Variants in MIOS observed in about 807,000 individuals in gnomAD.
MIOS encodes the protein meiosis regulator for oocyte development.
Under a neutral mutation model 96.9 loss-of-function variants are expected in MIOS, and 52 were observed. That is an observed-to-expected ratio of 0.54 (90% CI 0.43 to 0.68). The LOEUF is 0.68. MIOS is among the 30% of genes least tolerant of loss of function. The pLI is 0.00. For missense variants in MIOS, 1,005 were observed against 1,052.8 expected, an observed-to-expected ratio of 0.95 and a Z score of 0.63; for synonymous variants, 397 against 359.5, an observed-to-expected ratio of 1.10 and a Z score of -1.18.
At chr7:7,585,039 CTT>C (rs767850781) in intron 6 of MIOS, among the ~76,000 whole-genome samples, 77 of 152,136 alleles carry the variant, frequency 5.1e-4, no homozygotes, top group Non-Finnish European at 8.4e-4. Context: ...TGCATTGACA[CTT>C]ATATACATAA....
chr7:7,589,555 A>G lies in MIOS; in HGVS notation c.2035A>G (p.Met679Val), dbSNP rs775468593. Residue 679 changes from methionine (M) to valine (V), a missense_variant, in exon 9 of 13, where the codon ATG becomes GTG. Met to Val is a conservative substitution (Grantham distance 21, BLOSUM62 1). Transcript: ENST00000340080. ...AGATGTTCAAACAGCAAGTTACTGT[A>G]TGTTACAGGTCAGTGCAGTTTGACA... Reference protein sequence around the residue: ...TGDVQTASYCMLQGSPLDVLK... With the variant: ...TGDVQTASYCVLQGSPLDVLK... The G allele has an allele frequency of 1.9e-6, 3 of 1,611,496 alleles. No homozygotes were observed. The highest frequency in any genetic ancestry group is 2.2e-5 in the South Asian group (2 of 90,646).
intron 5 of MIOS, among the ~76,000 whole-genome samples, chr7:7,580,797 C>T (rs917930452): frequency 6.7e-6 from 1 of 150,096 alleles, no homozygotes; most frequent in African/African-American, 2.4e-5. Flanking sequence ...AGCGATTCTC[C>T]TGCCTCAGCC....
chr7:7,567,132 G>T (rs1419447673), intron 1 of MIOS, 60 bp downstream of exon 1: 1 of 152,244 alleles, frequency 6.6e-6, no homozygotes, highest in East Asian at 1.9e-4. Context: ...CCGCAGCGAG[G>T]GGCCGGAGAT....
At chr7:7,601,121 A>G (rs1050264199) in intron 11 of MIOS, among the ~76,000 whole-genome samples, 5 of 152,224 alleles carry the variant, frequency 3.3e-5, no homozygotes, top group African/African-American at 1.2e-4. Context: ...AGCAGGAAAG[A>G]TCTAAAATTG....
At position 7,573,029 on chromosome 7, in the gene MIOS, A is replaced by ATGC. The variant is rs1395639308; in HGVS notation, c.556_558dup (p.Ala186dup). 6.2e-7 allele frequency: 1 copy of ATGC among 1,613,926 alleles called. No homozygotes were observed. Among genetic ancestry groups the ATGC allele is most frequent in the Non-Finnish European group, 8.5e-7 (1 of 1,179,966 alleles). On this transcript the variant is annotated inframe_insertion, in exon 4 of 13. Transcript: ENST00000340080. The surrounding 1 kb of genome is among the most constrained non-coding windows in gnomAD (Gnocchi z 5.0). ...CCACTTTATGAGTTAGGACAGAATG[A>ATGC]TGCTTGTCTGTCTCTTTGTTGGCTT...
chr7:7,579,739 C>T (rs1170859073), intron 5 of MIOS, among the ~76,000 whole-genome samples: 2 of 152,206 alleles, frequency 1.3e-5, no homozygotes, highest in South Asian at 2.1e-4. Context: ...TCAGAGCTGT[C>T]CTGGGCTGTG....
chr7:7,584,912 T>A (rs1215288926), intron 6 of MIOS, among the ~76,000 whole-genome samples: 1 of 152,188 alleles, frequency 6.6e-6, no homozygotes, highest in East Asian at 1.9e-4. Context: ...TAACAAATGC[T>A]TTCTTGCAAA....
chr7:7,576,352 G>A (rs1011084852), intron 5 of MIOS, among the ~76,000 whole-genome samples: 2 of 152,164 alleles, frequency 1.3e-5, no homozygotes, highest in Admixed American at 1.3e-4. Context: ...CTGCTCTTGA[G>A]GAGTTTATAT....
At chr7:7,589,071 A>G (rs1223443781) in intron 8 of MIOS, among the ~76,000 whole-genome samples, 1 of 152,130 alleles carries the variant, frequency 6.6e-6, no homozygotes, top group Non-Finnish European at 1.5e-5. Context: ...CCAACTCCAG[A>G]TTTTGTGATT....
chr7:7,588,688 A>G (rs1190361264), intron 8 of MIOS, 125 bp downstream of exon 8: 1 of 494,864 alleles, frequency 2.0e-6, no homozygotes, highest in Non-Finnish European at 3.3e-6. Context: ...AAAGTATGGT[A>G]AGAATTTATT....
chr7:7,579,312 A>G (rs1180211073), intron 5 of MIOS, among the ~76,000 whole-genome samples: 3 of 152,258 alleles, frequency 2.0e-5, no homozygotes, highest in Non-Finnish European at 4.4e-5. Context: ...ATGTGATACA[A>G]TAACCATGTT....
Position 7,607,339 on chromosome 7 carries a change from GA to G in MIOS, c.*252del, listed in dbSNP as rs1784560662. The G allele has an allele frequency of 3.4e-6, 1 of 296,914 alleles. No homozygotes were observed. Among genetic ancestry groups the G allele is most frequent in the African/African-American group, 2.2e-5 (1 of 45,440 alleles). 18.4% of individuals were successfully genotyped at this position (296,914 alleles called of 1,614,324 possible). A position where few individuals can be genotyped will look rare whatever the true frequency, so the allele number is the denominator to read the frequency against. On this transcript the variant is annotated 3_prime_UTR_variant, in exon 13 of 13. Transcript: ENST00000340080. Reference sequence around the variant, plus strand: ...TCAGCAGGTTGAAAAGTCTGATTTAGAAAAACTTTCTAAGTTTTGGTTGAAA... The same window carrying G: ...TCAGCAGGTTGAAAAGTCTGATTTAGAAAACTTTCTAAGTTTTGGTTGAAA...
intron 5 of MIOS, among the ~76,000 whole-genome samples, chr7:7,577,063 A>C (rs1314227256): frequency 6.6e-6 from 1 of 152,198 alleles, no homozygotes; most frequent in Non-Finnish European, 1.5e-5. Flanking sequence ...CCAGGGGAGG[A>C]ATATAATGTA....
At position 7,588,574 on chromosome 7, in the gene MIOS, A is replaced by C. The variant is rs1783957453; in HGVS notation, c.1884+11A>C. The C allele has an allele frequency of 6.5e-7, 1 of 1,548,068 alleles. No individual in the cohort carries two copies. ...CTTAGTGATACTCAGGTGAAAACTG[A>C]TTTAATTCCACATTTGAAGTAATTA... On this transcript the variant is annotated intron_variant, in intron 8 of 12. Transcript: ENST00000340080.
intron 11 of MIOS, among the ~76,000 whole-genome samples, chr7:7,598,821 T>C (rs915777005): frequency 2.6e-5 from 4 of 152,198 alleles, no homozygotes; most frequent in African/African-American, 9.6e-5. Flanking sequence ...TCTTAAAACA[T>C]TTGAAATTCT....
intron 3 of MIOS, among the ~76,000 whole-genome samples, chr7:7,570,819 C>A (rs895329914): frequency 1.3e-5 from 2 of 152,158 alleles, no homozygotes; most frequent in Admixed American, 1.3e-4. Context: ...CTGTAAATAA[C>A]AGATGACGCT....
At position 7,595,065 on chromosome 7, in the gene MIOS, G is replaced by T. The variant is rs1329906160; in HGVS notation, c.2129G>T (p.Trp710Leu). The change falls in exon 10 of 13, where the codon TGG becomes TTG. Residue 710 changes from tryptophan (W) to leucine (L), a missense_variant. This residue lies in a region of MIOS where 865 missense variants were observed against 887.9 expected (regional missense o/e 0.97). Transcript: ENST00000340080. ...YRNLLDAWRF[W>L]HKRAEFDIHR... ...AATTTATTAGATGCCTGGAGGTTTT[G>T]GCATAAACGAGCTGAATTTGATATT... The T allele has an allele frequency of 6.2e-7, 1 of 1,613,860 alleles. No homozygotes were observed. The highest frequency in any genetic ancestry group is 1.3e-5 in the African/African-American group (1 of 74,898).
intron 5 of MIOS, among the ~76,000 whole-genome samples, chr7:7,575,151 G>A (rs758713111): frequency 3.3e-5 from 5 of 152,132 alleles, no homozygotes; most frequent in Non-Finnish European, 5.9e-5. Context: ...AAGTCAAGCT[G>A]TTAGAAAAGT....
rs1047947353 is a variant in MIOS at position 7,595,046 on chromosome 7, T to C, written c.2110T>C (p.Leu704=). 4.3e-6 allele frequency: 7 copies of C among 1,613,878 alleles called. No homozygotes were observed. Among genetic ancestry groups the C allele is most frequent in the Non-Finnish European group, 5.9e-6 (7 of 1,179,802 alleles). Residue 704 remains leucine (L), a synonymous_variant, in exon 10 of 13, where the codon TTA becomes CTA. Coordinates refer to ENST00000340080, the MANE Select transcript of MIOS (RefSeq NM_019005.4). ...QYWIENYRNL[L]DAWRFWHKRA... ...CTGGATTGAGAATTATAGAAATTTA[T>C]TAGATGCCTGGAGGTTTTGGCATAA...
Sources: allele counts gnomAD v4.1 joint callset (sites outside exome capture counted in the v4.1 genomes callset), GRCh38; gene constraint gnomAD v4.1.1; regional missense constraint gnomAD v4.1.1; non-coding constraint Gnocchi (gnomAD v3.1); transcripts MANE v1.5; gene names NCBI Gene and HGNC (gene_info 2026-07-23, HGNC 2026-07-21).